The following MTUS2 variants were observed in gnomAD, a reference collection of about 807,000 sequenced individuals.
MTUS2 encodes the protein microtubule associated scaffold protein 2.
MTUS2 carries 40 observed loss-of-function variants against 114.1 expected under a neutral mutation model. The observed-to-expected ratio is 0.35, with a 90% CI of 0.27 to 0.46. MTUS2 has a LOEUF of 0.46. Among genes scored for constraint, MTUS2 ranks in the 20% least tolerant of loss-of-function variants. MTUS2 has a pLI of 1.00. For missense variants in MTUS2, 1,679 were observed against 1,705.4 expected (o/e 0.98, Z 0.27); for synonymous variants, 688 against 672.0 (o/e 1.02, Z -0.37).
chr13:28,948,702 T>A (rs975890698), intron 2 of MTUS2, among the ~76,000 whole-genome samples: 1 of 152,202 alleles, frequency 6.6e-6, no homozygotes. Flanking sequence ...GATGGAGTTA[T>A]AATGTATGGT....
At chr13:29,007,848 A>G (rs1339173157) in intron 2 of MTUS2, among the ~76,000 whole-genome samples, 1 of 152,248 alleles carries the variant, frequency 6.6e-6, no homozygotes, top group African/African-American at 2.4e-5. Context: ...GCTTCTGCTC[A>G]GCAGCAGGCT....
At chr13:28,958,125 C>T (rs1418077079) in intron 2 of MTUS2, among the ~76,000 whole-genome samples, 1 of 152,168 alleles carries the variant, frequency 6.6e-6, no homozygotes, top group Non-Finnish European at 1.5e-5. Context: ...AAAAAATGTC[C>T]AAGTGCTTAT....
At chr13:29,115,448 C>G (rs1030678922) in intron 5 of MTUS2, among the ~76,000 whole-genome samples, 3 of 152,102 alleles carry the variant, frequency 2.0e-5, no homozygotes, top group Non-Finnish European at 4.4e-5. Context: ...TGATTTTGAC[C>G]AGGCCATATG....
intron 5 of MTUS2, among the ~76,000 whole-genome samples, chr13:29,117,780 G>T (rs1891151542): frequency 6.6e-6 from 1 of 152,156 alleles, no homozygotes; most frequent in African/African-American, 2.4e-5. Context: ...CATTTACGCT[G>T]ACCCCTTTGA....
chr13:29,398,852 T>G (rs992894242), intron 8 of MTUS2, among the ~76,000 whole-genome samples: 1 of 152,118 alleles, frequency 6.6e-6, no homozygotes, highest in African/African-American at 2.4e-5. Flanking sequence ...AAATTAGAAT[T>G]ATCATAAATT....
At chr13:29,217,479 TA>T (rs1390330921) in intron 5 of MTUS2, among the ~76,000 whole-genome samples, 4 of 152,184 alleles carry the variant, frequency 2.6e-5, no homozygotes, top group Admixed American at 6.5e-5. Flanking sequence ...GCATTATGTC[TA>T]AAAAATATAC....
intron 2 of MTUS2, among the ~76,000 whole-genome samples, chr13:29,013,643 G>T (rs1885944069): frequency 6.6e-6 from 1 of 152,216 alleles, no homozygotes; most frequent in Admixed American, 6.5e-5. Flanking sequence ...AAGGAAATGG[G>T]TAGCTAGGGT....
intron 8 of MTUS2, among the ~76,000 whole-genome samples, chr13:29,366,411 G>C (rs1870716124): frequency 2.0e-5 from 3 of 152,094 alleles, no homozygotes; most frequent in Non-Finnish European, 4.4e-5. Flanking sequence ...TAACATGTGG[G>C]AATTGTGGAA....
intron 5 of MTUS2, among the ~76,000 whole-genome samples, chr13:29,148,261 C>A (rs1892518439): frequency 6.7e-6 from 1 of 149,054 alleles, no homozygotes; most frequent in South Asian, 2.1e-4. Flanking sequence ...GTAGGATGTG[C>A]AGGTTTCTTA....
chr13:29,041,389 C>T (rs937502394), intron 4 of MTUS2, among the ~76,000 whole-genome samples: 4 of 152,092 alleles, frequency 2.6e-5, no homozygotes, highest in Admixed American at 2.0e-4. Flanking sequence ...GTGATGCCTC[C>T]AGATTTGTTC....
intron 5 of MTUS2, among the ~76,000 whole-genome samples, chr13:29,139,276 T>G (rs1215907022): frequency 2.0e-5 from 3 of 152,218 alleles, no homozygotes; most frequent in African/African-American, 7.2e-5. Flanking sequence ...TATTTTTTCT[T>G]TCTTGGATTT....
chr13:29,307,516 T>A (rs1438430535), intron 6 of MTUS2: 1 of 1,253,946 alleles, frequency 8.0e-7, no homozygotes, highest in Non-Finnish European at 1.2e-6. Context: ...GGATCTGACC[T>A]GCTGTCTTGA....
chr13:29,128,870 A>T (rs894229334), intron 5 of MTUS2, among the ~76,000 whole-genome samples: 1 of 152,166 alleles, frequency 6.6e-6, no homozygotes, highest in Non-Finnish European at 1.5e-5. Flanking sequence ...AAACTGAACA[A>T]AGTCTAAATG....
At position 29,473,895 on chromosome 13, in the gene MTUS2, G is replaced by A. The variant is rs532296915; in HGVS notation, c.3185-6255G>A. 6.6e-5 allele frequency among the ~76,000 whole-genome samples: 10 copies of A among 152,246 alleles called. No individual in the cohort carries two copies. The South Asian group carries it at 1.7e-3, about 25-fold the overall frequency. ...AAATAATGAAAGTGAAACTCCAGGT[G>A]TTGTCTAATGCTATTAAATTAGCTT... On this transcript the variant is annotated intron_variant, in intron 9 of 15. Transcript: ENST00000612955.
Position 29,055,800 on chromosome 13 carries a change from A to G in MTUS2, c.2446+21675A>G, listed in dbSNP as rs374510551. ...TGTGGTTTTCATTTTCATTTATTTA[A>G]TGATTAGTAATGTTGGGCATTTTTT... is the stretch of plus-strand genomic sequence containing the variant. On this transcript the variant is annotated intron_variant, in intron 4 of 15. Coordinates refer to ENST00000612955, the MANE Select transcript of MTUS2 (RefSeq NM_001033602.4). Among the ~76,000 whole-genome samples the G allele has an allele frequency of 2.6e-5, 4 of 151,994 alleles. No individual in the cohort carries two copies. The East Asian group carries it at 7.7e-4, about 29-fold the overall frequency.
At position 29,411,191 on chromosome 13, in the gene MTUS2, T is replaced by A. The variant is rs528271213; in HGVS notation, c.3118-28792T>A. On this transcript the variant is annotated intron_variant, in intron 8 of 15. Transcript: ENST00000612955. Reference sequence around the variant, plus strand: ...CATGGTTTTGGGGGTTTTTGTTTTCTTTTTGGTATTTTTGTGGTTTTATTT... The same window carrying A: ...CATGGTTTTGGGGGTTTTTGTTTTCATTTTGGTATTTTTGTGGTTTTATTT... Among the ~76,000 whole-genome samples the A allele has an allele frequency of 2.6e-5, 4 of 152,338 alleles. No individual in the cohort carries two copies. The South Asian group carries it at 6.2e-4, about 24-fold the overall frequency.
chr13:28,832,663 G>A (rs974114157), intron 1 of MTUS2, among the ~76,000 whole-genome samples: 1 of 146,950 alleles, frequency 6.8e-6, no homozygotes, highest in East Asian at 2.0e-4. Flanking sequence ...TATTAAAATT[G>A]TATATATTTA....
chr13:29,142,878 C>A (rs562117013), intron 5 of MTUS2, among the ~76,000 whole-genome samples: 2 of 152,148 alleles, frequency 1.3e-5, no homozygotes, highest in South Asian at 4.2e-4. Flanking sequence ...CTTGAAGGGG[C>A]AACATGTACA....
At chr13:29,289,927 G>A (rs1325013347) in intron 6 of MTUS2, among the ~76,000 whole-genome samples, 2 of 152,166 alleles carry the variant, frequency 1.3e-5, no homozygotes, top group Non-Finnish European at 2.9e-5. Flanking sequence ...TGATGTTTTT[G>A]CTTTACCCCA....
Sources: allele counts gnomAD v4.1 joint callset (sites outside exome capture counted in the v4.1 genomes callset), GRCh38; gene constraint gnomAD v4.1.1; transcripts MANE v1.5; gene names NCBI Gene and HGNC (gene_info 2026-07-23, HGNC 2026-07-21).